ZNF385B: variants seen among roughly 807,000 people sequenced by gnomAD.
The protein encoded by ZNF385B is zinc finger protein 385B.
Under a neutral mutation model 39.2 loss-of-function variants are expected in ZNF385B, and 23 were observed. The ratio of observed to expected loss-of-function variants is 0.59; its 90% CI spans 0.42 to 0.83. The LOEUF is 0.83. Among genes scored for constraint, ZNF385B ranks in the 40% least tolerant of loss-of-function variants. The pLI is 0.00. For synonymous variants in ZNF385B, 205 were observed against 222.6 expected, an observed-to-expected ratio of 0.92 and a Z score of 0.70; for missense variants, 552 against 598.9, an observed-to-expected ratio of 0.92 and a Z score of 0.82.
At chr2:179,485,205 T>C (rs2054439571) in intron 5 of ZNF385B, among the ~76,000 whole-genome samples, 1 of 152,220 alleles carries the variant, frequency 6.6e-6, no homozygotes, top group Non-Finnish European at 1.5e-5. Flanking sequence ...AGATCATTAG[T>C]GGAGAGTATG....
chr2:179,574,029 A>G (rs960439327), intron 3 of ZNF385B, among the ~76,000 whole-genome samples: 3 of 152,122 alleles, frequency 2.0e-5, no homozygotes, highest in African/African-American at 7.2e-5. Flanking sequence ...ACCCAAAGGA[A>G]TGACTTTCAA....
chr2:179,806,742 C>G (rs1706375929), intron 1 of ZNF385B, among the ~76,000 whole-genome samples: 1 of 152,140 alleles, frequency 6.6e-6, no homozygotes, highest in Non-Finnish European at 1.5e-5. Flanking sequence ...CAAGGTCACC[C>G]AGAAGAGTCA....
At chr2:179,856,916 G>T (rs1028747943) in intron 1 of ZNF385B, among the ~76,000 whole-genome samples, 12 of 152,136 alleles carry the variant, frequency 7.9e-5, no homozygotes, top group Non-Finnish European at 1.6e-4. Context: ...AAATCTCCAG[G>T]CAGAGAGGCA....
At chr2:179,688,753 T>C (rs900627107) in intron 3 of ZNF385B, among the ~76,000 whole-genome samples, 2 of 152,174 alleles carry the variant, frequency 1.3e-5, no homozygotes, top group African/African-American at 4.8e-5. Flanking sequence ...TGTTGTACAA[T>C]AGATCTCTTG....
chr2:179,640,263 G>A (rs543894205), intron 3 of ZNF385B, among the ~76,000 whole-genome samples: 1 of 152,266 alleles, frequency 6.6e-6, no homozygotes, highest in African/African-American at 2.4e-5. Flanking sequence ...AGGCTATATA[G>A]TAGTACTCTA....
chr2:179,723,234 A>T (rs1260249793), intron 3 of ZNF385B, among the ~76,000 whole-genome samples: 1 of 152,208 alleles, frequency 6.6e-6, no homozygotes, highest in Admixed American at 6.5e-5. Flanking sequence ...AACAGAAAAA[A>T]AAATTTCAAG....
In ZNF385B at chr2:179,676,426, G is replaced by A. The variant is rs185382613; in HGVS notation, c.298+93077C>T. ...TTTTTAGTAGAGATGGGGTTTCACC[G>A]TGTTAGCCAGGATGGTCTCGATCTC... On this transcript the variant is annotated intron_variant, in intron 3 of 9. Transcript: ENST00000410066. 8.0e-3 allele frequency among the ~76,000 whole-genome samples: 1,207 copies of A among 151,632 alleles called. 5 individuals are homozygous for A. The highest frequency in any genetic ancestry group is 0.012 in the Non-Finnish European group (826 of 67,828).
chr2:179,504,281 G>C (rs930482064), intron 5 of ZNF385B, among the ~76,000 whole-genome samples: 1 of 151,840 alleles, frequency 6.6e-6, no homozygotes, highest in African/African-American at 2.4e-5. Flanking sequence ...TATCATTGTT[G>C]GACATTTGGG....
intron 1 of ZNF385B, among the ~76,000 whole-genome samples, chr2:179,822,562 G>A (rs760795003): frequency 6.6e-6 from 1 of 152,124 alleles, no homozygotes; most frequent in Non-Finnish European, 1.5e-5. Flanking sequence ...AAGCTGTGGA[G>A]GACATTTGCA....
intron 1 of ZNF385B, among the ~76,000 whole-genome samples, chr2:179,853,565 T>C (rs1468566648): frequency 6.6e-6 from 1 of 152,204 alleles, no homozygotes; most frequent in Non-Finnish European, 1.5e-5. Context: ...AGAAAATATA[T>C]AATTGAAAAA....
intron 3 of ZNF385B, among the ~76,000 whole-genome samples, chr2:179,551,023 G>C (rs1324706044): frequency 6.6e-6 from 1 of 151,976 alleles, no homozygotes; most frequent in Non-Finnish European, 1.5e-5. Flanking sequence ...TATTCTCATG[G>C]GACAGAACCA....
At chr2:179,460,103 C>T (rs1476612100) in intron 6 of ZNF385B, among the ~76,000 whole-genome samples, 1 of 150,914 alleles carries the variant, frequency 6.6e-6, no homozygotes, top group African/African-American at 2.4e-5. Flanking sequence ...GACTCTGTCT[C>T]AAAAAGAAAA....
chr2:179,761,514 A>T (rs942321377), intron 3 of ZNF385B, among the ~76,000 whole-genome samples: 5 of 152,152 alleles, frequency 3.3e-5, no homozygotes, highest in Middle Eastern at 3.4e-3. Flanking sequence ...GTGATTATAA[A>T]TGGTATTTGC....
intron 1 of ZNF385B, chr2:179,796,174 A>C (rs2106546992): frequency 6.6e-6 from 1 of 152,278 alleles, no homozygotes; most frequent in South Asian, 2.1e-4. Context: ...ACTTTGCAGA[A>C]GATTTTACTA....
chr2:179,853,204 A>G (rs530987215), intron 1 of ZNF385B, among the ~76,000 whole-genome samples: 160 of 152,328 alleles, frequency 1.1e-3, no homozygotes, highest in Admixed American at 4.8e-3. Context: ...CTATCCAACT[A>G]TTAATACAAT....
At chr2:179,493,732 T>TATATGTATACATATGTGTATATACAC (rs1559337378) in intron 5 of ZNF385B, among the ~76,000 whole-genome samples, 104 of 139,686 alleles carry the variant, frequency 7.4e-4, no homozygotes, top group Non-Finnish European at 1.2e-3. Flanking sequence ...CGTATATACA[T>TATATGTATACATATGTGTATATACAC]ATATGTATAC....
chr2:179,729,376 C>G (rs989456880), intron 3 of ZNF385B, among the ~76,000 whole-genome samples: 1 of 152,070 alleles, frequency 6.6e-6, no homozygotes, highest in Non-Finnish European at 1.5e-5. Context: ...GAAACAGAAT[C>G]TTATGAGTGC....
chr2:179,482,625 C>T (rs962921007), intron 6 of ZNF385B, among the ~76,000 whole-genome samples: 2 of 152,172 alleles, frequency 1.3e-5, no homozygotes, highest in Non-Finnish European at 2.9e-5. Context: ...TAATCCATTT[C>T]CATTTATATA....
At chr2:179,823,745 C>G (rs779025921) in intron 1 of ZNF385B, among the ~76,000 whole-genome samples, 34 of 152,094 alleles carry the variant, frequency 2.2e-4, no homozygotes, top group Non-Finnish European at 4.0e-4. Flanking sequence ...TCTTCTCTAC[C>G]TCCATGACCC....
Sources: allele counts gnomAD v4.1 joint callset (sites outside exome capture counted in the v4.1 genomes callset), GRCh38; gene constraint gnomAD v4.1.1; transcripts MANE v1.5; gene names NCBI Gene and HGNC (gene_info 2026-07-23, HGNC 2026-07-21).